Variants in ADGRB3 observed in about 807,000 individuals in gnomAD.
ADGRB3 encodes the protein adhesion G protein-coupled receptor B3.
ADGRB3 carries 37 observed loss-of-function variants against 193.4 expected under a neutral mutation model. That is an observed-to-expected ratio of 0.19 (90% CI 0.15 to 0.25). The LOEUF (loss-of-function observed/expected upper bound fraction) is 0.25. Ranked by LOEUF, ADGRB3 falls within the 10% of genes least tolerant of loss-of-function variation. The pLI, the probability that ADGRB3 is intolerant of heterozygous loss-of-function variation, is 1.00. For synonymous variants in ADGRB3, 690 were observed against 644.2 expected (o/e 1.07, Z -1.08); for missense variants, 1,637 against 1,852.9 (o/e 0.88, Z 2.14).
At chr6:69,136,122 G>T (rs964956145) in intron 17 of ADGRB3, among the ~76,000 whole-genome samples, 1 of 152,012 alleles carries the variant, frequency 6.6e-6, no homozygotes, top group African/African-American at 2.4e-5. Flanking sequence ...GTTTATGTAT[G>T]TGGGTGTGGA....
At chr6:69,248,010 A>G (rs1766537274) in intron 20 of ADGRB3, among the ~76,000 whole-genome samples, 1 of 152,194 alleles carries the variant, frequency 6.6e-6, no homozygotes, top group East Asian at 1.9e-4. Flanking sequence ...GGTTGAGTTA[A>G]ATCAGATCTT....
intron 20 of ADGRB3, among the ~76,000 whole-genome samples, chr6:69,265,808 G>A (rs1297357516): frequency 1.3e-5 from 2 of 151,968 alleles, no homozygotes; most frequent in East Asian, 3.9e-4. Flanking sequence ...ACCCAGATCT[G>A]TGATGGACTG....
chr6:69,061,079 A>C lies in ADGRB3; in HGVS notation c.2334-1855A>C, dbSNP rs374527932. 2.0e-5 allele frequency among the ~76,000 whole-genome samples: 3 copies of C among 151,916 alleles called. No homozygotes were observed. The East Asian group carries it at 5.8e-4, about 29-fold the overall frequency. On this transcript the variant is annotated intron_variant, in intron 15 of 31. Transcript: ENST00000370598. ...CTCATTTATCATTTAATGAAAAAAA[A>C]AAAAGACTGTTAACCAGCTCTCTCT...
At chr6:68,995,847 A>G (rs1769369632) in intron 11 of ADGRB3, among the ~76,000 whole-genome samples, 1 of 151,968 alleles carries the variant, frequency 6.6e-6, no homozygotes, top group Non-Finnish European at 1.5e-5. Context: ...CAGATGACCA[A>G]CCCCCACCTT....
chr6:68,986,582 G>A (rs1769083070), intron 10 of ADGRB3, among the ~76,000 whole-genome samples: 1 of 152,018 alleles, frequency 6.6e-6, no homozygotes, highest in African/African-American at 2.4e-5. Flanking sequence ...GAGACTTCAG[G>A]TAGATTTATA....
At chr6:68,803,629 C>G (rs1414621093) in intron 3 of ADGRB3, among the ~76,000 whole-genome samples, 2 of 152,228 alleles carry the variant, frequency 1.3e-5, no homozygotes, top group African/African-American at 4.8e-5. Flanking sequence ...TCTTGTCAGC[C>G]TACAATATAC....
At chr6:69,002,516 C>T (rs1769611136) in intron 11 of ADGRB3, among the ~76,000 whole-genome samples, 1 of 152,090 alleles carries the variant, frequency 6.6e-6, no homozygotes, top group Non-Finnish European at 1.5e-5. Context: ...TGCGCCCAGC[C>T]AAATCTTTTA....
intron 6 of ADGRB3, among the ~76,000 whole-genome samples, chr6:68,953,178 A>G (rs766069891): frequency 6.6e-6 from 1 of 152,044 alleles, no homozygotes; most frequent in East Asian, 1.9e-4. Context: ...TTTGCTAGAC[A>G]CTCTTATTCT....
intron 3 of ADGRB3, among the ~76,000 whole-genome samples, chr6:68,670,926 T>A (rs1768939637): frequency 1.3e-5 from 2 of 152,012 alleles, no homozygotes; most frequent in Non-Finnish European, 2.9e-5. Flanking sequence ...GTGTCCTCTT[T>A]AATTTCTTTC....
chr6:68,689,405 T>C (rs954018531), intron 3 of ADGRB3, among the ~76,000 whole-genome samples: 1 of 152,028 alleles, frequency 6.6e-6, no homozygotes, highest in Non-Finnish European at 1.5e-5. Context: ...GTTCATAGGG[T>C]ACAAAGCAGA....
chr6:68,884,444 TAAG>T (rs952648595), intron 3 of ADGRB3, among the ~76,000 whole-genome samples: 4 of 151,824 alleles, frequency 2.6e-5, no homozygotes, highest in Admixed American at 2.6e-4. Context: ...TCTCAGAGAG[TAAG>T]AGCTTTAGGC....
intron 13 of ADGRB3, among the ~76,000 whole-genome samples, chr6:69,036,154 C>G (rs1316487630): frequency 1.3e-5 from 2 of 152,110 alleles, no homozygotes; most frequent in African/African-American, 4.8e-5. Context: ...CTCTTTCTTT[C>G]TCAATTTCGG....
At chr6:69,198,423 G>A (rs1222071690) in intron 17 of ADGRB3, among the ~76,000 whole-genome samples, 1 of 152,062 alleles carries the variant, frequency 6.6e-6, no homozygotes, top group Non-Finnish European at 1.5e-5. Context: ...AAGATAACTA[G>A]TCTGAAGAAA....
intron 31 of ADGRB3, among the ~76,000 whole-genome samples, chr6:69,385,104 C>T (rs1770039143): frequency 1.3e-5 from 2 of 151,718 alleles, no homozygotes; most frequent in South Asian, 4.2e-4. Flanking sequence ...GGCAGGAAAA[C>T]ATTTAAATCA....
Position 68,875,837 on chromosome 6 carries a change from A to T in ADGRB3, c.758-54722A>T, listed in dbSNP as rs1370961464. Among the ~76,000 whole-genome samples, 4 of 152,114 alleles carry T rather than the reference A, an allele frequency of 2.6e-5. No homozygotes were observed. In the East Asian group the frequency reaches 7.7e-4, roughly 29 times the overall value. On this transcript the variant is annotated intron_variant, in intron 3 of 31. Coordinates refer to ENST00000370598, the MANE Select transcript of ADGRB3 (RefSeq NM_001704.3). ...TATTAGAGAGGAATTTTAATTTTTT[A>T]AAAAACTTACATAGAATGAGAAGGA...
At chr6:68,874,962 C>A (rs77304716) in intron 3 of ADGRB3, among the ~76,000 whole-genome samples, 4 of 146,670 alleles carry the variant, frequency 2.7e-5, no homozygotes, top group Middle Eastern at 3.4e-3. Context: ...CACTGATATC[C>A]CCTCAATGCC....
chr6:68,784,667 G>A (rs923336098), intron 3 of ADGRB3, among the ~76,000 whole-genome samples: 8 of 151,962 alleles, frequency 5.3e-5, no homozygotes, highest in African/African-American at 1.9e-4. Flanking sequence ...GCTTCACCTT[G>A]TTTCCATTAT....
intron 3 of ADGRB3, among the ~76,000 whole-genome samples, chr6:68,791,273 C>T (rs566815254): frequency 1.2e-4 from 19 of 152,040 alleles, no homozygotes; most frequent in Admixed American, 1.1e-3. Flanking sequence ...CCCATATGCA[C>T]GTAATTACAG....
chr6:68,993,693 A>C, intron 10 of ADGRB3, 75 bp from the exon 11 acceptor site: 1 of 1,430,142 alleles, frequency 7.0e-7, no homozygotes, highest in Non-Finnish European at 9.5e-7. Flanking sequence ...TTTTAAATAA[A>C]GTTGTTTGAT....
Sources: allele counts gnomAD v4.1 joint callset (sites outside exome capture counted in the v4.1 genomes callset), GRCh38; gene constraint gnomAD v4.1.1; transcripts MANE v1.5; gene names NCBI Gene and HGNC (gene_info 2026-07-23, HGNC 2026-07-21).